NWD1: variants seen among roughly 807,000 people sequenced by gnomAD.
The protein encoded by NWD1 is NACHT domain- and WD repeat-containing protein 1.
In NWD1, 129 loss-of-function variants were observed where a neutral mutation model predicts 135.1. The observed-to-expected ratio is 0.96, with a 90% CI of 0.83 to 1.11. NWD1 has a LOEUF of 1.11. Among genes scored for constraint, NWD1 ranks in the 50% least tolerant of loss-of-function variants. The pLI is 0.00. For synonymous variants in NWD1, 773 were observed against 786.0 expected (o/e 0.98, Z 0.28); for missense variants, 1,740 against 1,851.3 (o/e 0.94, Z 1.10).
rs1269998353 is a variant in NWD1 at position 16,791,353 on chromosome 19, A to G, written c.2944A>G (p.Asn982Asp). Residue 982 changes from asparagine (N) to aspartate (D), a missense_variant, in exon 14 of 19, where the codon AAT becomes GAT. Physicochemically the swap from Asn to Asp is conservative, Grantham distance 23 (BLOSUM62 1). Transcript: ENST00000524140. The part of the protein sequence containing the change: ...VVYSASGSKI[N>D]AWNLETAEPV... Reference sequence around the variant, plus strand: ...TTCCTCTTCATTATTCTATTAGATCAATGCTTGGAATCTGGAAACTGCAGA... The same window carrying G: ...TTCCTCTTCATTATTCTATTAGATCGATGCTTGGAATCTGGAAACTGCAGA... 2.5e-6 allele frequency: 4 copies of G among 1,613,318 alleles called. No individual in the cohort carries two copies. Among genetic ancestry groups the G allele is most frequent in the Non-Finnish European group, 3.4e-6 (4 of 1,179,706 alleles).
chr19:16,782,033 G>T (rs1969870762), intron 12 of NWD1, among the ~76,000 whole-genome samples: 1 of 149,816 alleles, frequency 6.7e-6, no homozygotes, highest in South Asian at 2.1e-4. Context: ...GGTGGTGCTT[G>T]CAGTGAGCCG....
intron 5 of NWD1, chr19:16,745,205 T>A: frequency 2.6e-6 from 1 of 382,260 alleles, no homozygotes; most frequent in South Asian, 1.9e-5. Flanking sequence ...CATCAGATCT[T>A]GTGAGACTTA....
chr19:16,806,666 G>A (rs971509836), intron 17 of NWD1, among the ~76,000 whole-genome samples: 4 of 151,568 alleles, frequency 2.6e-5, no homozygotes, highest in East Asian at 2.0e-4. Context: ...AGCCATGTTC[G>A]TGCCACTGCA....
At chr19:16,812,088 A>G (rs1033500852) in intron 18 of NWD1, among the ~76,000 whole-genome samples, 3 of 152,174 alleles carry the variant, frequency 2.0e-5, no homozygotes, top group African/African-American at 7.2e-5. Context: ...AGGCAGGCAG[A>G]TCACTTGAGG....
At chr19:16,812,840 T>C (rs1361630501) in intron 18 of NWD1, 3 of 780,888 alleles carry the variant, frequency 3.8e-6, no homozygotes, top group Middle Eastern at 2.3e-4. Flanking sequence ...TTGTTTGGAG[T>C]GTGCTGGATG....
At position 16,750,223 on chromosome 19, in the gene NWD1, C is replaced by T. The variant is rs908298617; in HGVS notation, c.1581C>T (p.Leu527=). The change falls in exon 6 of 19, where the codon CTC becomes CTT. Residue 527 remains leucine (L), a synonymous_variant. Transcript: ENST00000524140. ...PVHTDLLWAS[L]PECGNPGRLR... is the part of the protein sequence containing the mutation. ...ACACAGATTTGCTCTGGGCCAGCCT[C>T]CCAGAGTGTGGGAACCCAGGGCGGC... 16 of 1,613,352 alleles carry T rather than the reference C, an allele frequency of 9.9e-6. No homozygotes were observed. Among genetic ancestry groups the T allele is most frequent in the Admixed American group, 3.3e-5 (2 of 59,962 alleles).
At chr19:16,798,608 C>T (rs950050363) in intron 16 of NWD1, among the ~76,000 whole-genome samples, 1 of 152,102 alleles carries the variant, frequency 6.6e-6, no homozygotes, top group Non-Finnish European at 1.5e-5. Context: ...AAGAACCTGT[C>T]TCCAAAAAAA....
At chr19:16,807,416 C>T (rs1970782014) in intron 17 of NWD1, among the ~76,000 whole-genome samples, 170 bp from the exon 18 acceptor site, 1 of 152,092 alleles carries the variant, frequency 6.6e-6, no homozygotes. Flanking sequence ...TTGCTTGAAT[C>T]CAGGAGGTGG....
At chr19:16,737,907 G>A (rs1159017970) in intron 4 of NWD1, among the ~76,000 whole-genome samples, 1 of 151,344 alleles carries the variant, frequency 6.6e-6, no homozygotes, top group African/African-American at 2.4e-5. Flanking sequence ...AGAGGTTGCA[G>A]TGAGCCGAGA....
chr19:16,785,855 A>G lies in NWD1; in HGVS notation c.2732-3127A>G, dbSNP rs528393361. On this transcript the variant is annotated intron_variant, in intron 12 of 18. Transcript: ENST00000524140. ...CATAAACATTCTTTTGTGTCCATTG[A>G]CTCTTTTTTTTAAATTTTTTTGTTT... Among the ~76,000 whole-genome samples, 101 of 149,866 alleles carry G rather than the reference A, an allele frequency of 6.7e-4. No individual in the cohort carries two copies. The Middle Eastern group carries it at 0.017, about 26-fold the overall frequency.
chr19:16,774,506 C>T (rs1249088655), intron 11 of NWD1, among the ~76,000 whole-genome samples: 1 of 151,888 alleles, frequency 6.6e-6, no homozygotes, highest in Admixed American at 6.6e-5. Flanking sequence ...TATCCATCTA[C>T]CCTACCACTG....
intron 4 of NWD1, among the ~76,000 whole-genome samples, chr19:16,739,327 A>AC (rs1967984525): frequency 4.4e-5 from 3 of 68,354 alleles, no homozygotes; most frequent in African/African-American, 2.6e-4. Context: ...CCCTATCTCT[A>AC]CCAAAAAAAA....
intron 12 of NWD1, among the ~76,000 whole-genome samples, chr19:16,786,717 T>C (rs562930197): frequency 2.0e-5 from 3 of 152,118 alleles, no homozygotes; most frequent in African/African-American, 4.8e-5. Context: ...CAGCTAACTT[T>C]CGTATTTTTA....
At chr19:16,799,033 A>T (rs1970512838) in intron 16 of NWD1, among the ~76,000 whole-genome samples, 1 of 151,980 alleles carries the variant, frequency 6.6e-6, no homozygotes, top group African/African-American at 2.4e-5. Context: ...GGCACCCTCC[A>T]GGAGTTCCCT....
chr19:16,779,167 T>A (rs1969766911), intron 11 of NWD1, among the ~76,000 whole-genome samples, 176 bp from the exon 12 acceptor site: 1 of 152,124 alleles, frequency 6.6e-6, no homozygotes, highest in South Asian at 2.1e-4. Flanking sequence ...AGAGTGTGAA[T>A]CTGTGCATCT....
chr19:16,724,701 A>AT (rs1967258926), intron 2 of NWD1, among the ~76,000 whole-genome samples: 4 of 151,392 alleles, frequency 2.6e-5, no homozygotes, highest in South Asian at 2.1e-4. Flanking sequence ...CAAAAAAAAT[A>AT]TTTTTTTTTG....
chr19:16,726,124 G>A (rs889789092), intron 2 of NWD1, among the ~76,000 whole-genome samples: 7 of 151,932 alleles, frequency 4.6e-5, no homozygotes, highest in South Asian at 4.2e-4. Flanking sequence ...CACCAAACCC[G>A]GCTAATTTTG....
At chr19:16,812,889 T>C (rs1425549788) in intron 18 of NWD1, 2 of 780,432 alleles carry the variant, frequency 2.6e-6, no homozygotes, top group African/African-American at 3.4e-5. Flanking sequence ...TGAGCTTCGA[T>C]CTGGAGAGAA....
chr19:16,745,170 C>A, intron 5 of NWD1: 1 of 419,842 alleles, frequency 2.4e-6, no homozygotes, highest in African/African-American at 2.0e-5. Flanking sequence ...GAGAGCCAAG[C>A]GAAAGGGGAA....
Sources: gnomAD v4.1 joint callset for allele counts (sites outside exome capture counted in the v4.1 genomes callset) on GRCh38, gnomAD v4.1.1 for gene constraint, MANE v1.5 for transcripts, NCBI Gene and HGNC (gene_info 2026-07-23, HGNC 2026-07-21) for gene names.